The following CEP104 variants were observed in gnomAD, a reference collection of about 807,000 sequenced individuals.
CEP104 encodes the protein centrosomal protein of 104 kDa.
Under a neutral mutation model 113.3 loss-of-function variants are expected in CEP104, and 84 were observed. The ratio of observed to expected loss-of-function variants is 0.74; its 90% CI spans 0.62 to 0.89. The LOEUF is 0.89. Among genes scored for constraint, CEP104 ranks in the 40% least tolerant of loss-of-function variants. The probability of loss-of-function intolerance (pLI) is 0.00; values close to 1 mark genes in which losing one functional copy is unlikely to be tolerated. For missense variants in CEP104, 1,053 were observed against 1,156.6 expected (o/e 0.91, Z 1.30); for synonymous variants, 378 against 421.7 (o/e 0.90, Z 1.27).
chr1:3,844,698 C>CCAAAAAAAAAAAAAAA (rs1644474386), intron 6 of CEP104, among the ~76,000 whole-genome samples: 4 of 79,722 alleles, frequency 5.0e-5, no homozygotes, highest in Admixed American at 1.5e-4. Context: ...AATTCTGTCT[C>CCAAAAAAAAAAAAAAA]AAAAAAAAAG....
At chr1:3,821,121 C>T (rs1183019525) in intron 20 of CEP104, among the ~76,000 whole-genome samples, 1 of 152,238 alleles carries the variant, frequency 6.6e-6, no homozygotes, top group Non-Finnish European at 1.5e-5. Context: ...GACATCCATT[C>T]CTGCTAATGG....
intron 21 of CEP104, 73 bp from the exon 22 acceptor site, chr1:3,815,590 A>C: frequency 9.3e-7 from 1 of 1,076,922 alleles, no homozygotes; most frequent in Non-Finnish European, 1.3e-6. Flanking sequence ...ACCTGTGGCC[A>C]CAGACACCCA....
Position 3,815,271 on chromosome 1 carries a change from C to G in CEP104, c.*131G>C. The G allele has an allele frequency of 3.0e-6, 2 of 667,978 alleles. No homozygotes were observed. The highest frequency in any genetic ancestry group is 1.7e-5 in the South Asian group (1 of 57,730). 41.4% of individuals were successfully genotyped at this position (667,978 alleles called of 1,614,324 possible). ...GCTGACGGCACAGACGCGTAAGAGG[C>G]GTGCACGGCGGGGAGCTGGGGACAG... On this transcript the variant is annotated 3_prime_UTR_variant, in exon 22 of 22. Transcript: ENST00000378230.
rs187758420 is a variant in CEP104, at chr1:3,847,727, C to T, written c.288-114G>A. The T allele has an allele frequency of 1.6e-5, 18 of 1,096,296 alleles. No homozygotes were observed. The Admixed American group carries it at 2.7e-4, about 16-fold the overall frequency. 67.9% of individuals were successfully genotyped at this position (1,096,296 alleles called of 1,614,324 possible). A position where few individuals can be genotyped will look rare whatever the true frequency, so the allele number is the denominator to read the frequency against. On this transcript the variant is annotated intron_variant, in intron 3 of 21. Transcript: ENST00000378230. ...ATGTTTATTGTTTTATTTTTTAAAG[C>T]TAGACTACCCCTATGCAGGATCAAC... is the stretch of plus-strand genomic sequence containing the variant.
chr1:3,825,750 G>A lies in CEP104; in HGVS notation c.2364+8C>T, dbSNP rs558298740. On this transcript the variant is annotated splice_region_variant and intron_variant, in intron 18 of 21. Coordinates refer to ENST00000378230, the MANE Select transcript of CEP104 (RefSeq NM_014704.4). ...GCAAGTAGCTGGCTGCTGTGCCGCT[G>A]GCCTGACCTGTTTGCAGTGGTCACA... 2.4e-5 allele frequency: 38 copies of A among 1,589,824 alleles called. No homozygotes were observed. The South Asian group carries it at 4.0e-4, about 17-fold the overall frequency.
At chr1:3,829,619 G>A (rs1195685165) in intron 14 of CEP104, 172 bp downstream of exon 14, 1 of 734,000 alleles carries the variant, frequency 1.4e-6, no homozygotes. Context: ...CTGGCAGAAA[G>A]TGGAGCAGCC....
At chr1:3,824,520 C>T (rs1644045895) in intron 18 of CEP104, among the ~76,000 whole-genome samples, 1 of 152,242 alleles carries the variant, frequency 6.6e-6, no homozygotes, top group Non-Finnish European at 1.5e-5. Context: ...TGCGTCTCTT[C>T]CTCAAGACAC....
At chr1:3,830,445 G>A (rs1316630700) in intron 13 of CEP104, among the ~76,000 whole-genome samples, 1 of 152,124 alleles carries the variant, frequency 6.6e-6, no homozygotes, top group Non-Finnish European at 1.5e-5. Flanking sequence ...GCTTCAACCT[G>A]TACCTGATAT....
chr1:3,848,159 A>C (rs1189089972), intron 3 of CEP104, among the ~76,000 whole-genome samples: 3 of 152,162 alleles, frequency 2.0e-5, no homozygotes, highest in Non-Finnish European at 4.4e-5. Flanking sequence ...AATAAGAGGC[A>C]GGTGTTAAGA....
At chr1:3,844,736 T>C (rs1288162342) in intron 6 of CEP104, among the ~76,000 whole-genome samples, 171 bp downstream of exon 6, 6 of 121,948 alleles carry the variant, frequency 4.9e-5, no homozygotes, top group Non-Finnish European at 1.1e-4. Flanking sequence ...GTGTGCTAAA[T>C]AAAACAGCGA....
At chr1:3,854,441 G>T (rs1644672655) in intron 1 of CEP104, among the ~76,000 whole-genome samples, 2 of 152,020 alleles carry the variant, frequency 1.3e-5, no homozygotes, top group South Asian at 4.2e-4. Context: ...ATACCCTTCA[G>T]CTCTGAAGCC....
In CEP104 at chr1:3,827,752, G is replaced by A. The variant is rs557569366; in HGVS notation, c.2152-1008C>T. ...GCCTTCACCAGGCCCTGTGTGGGGCGCAGGTCTGCGCTGGCCTCGAGGCCC... is the reference window on the plus strand; with the variant it reads ...GCCTTCACCAGGCCCTGTGTGGGGCACAGGTCTGCGCTGGCCTCGAGGCCC... On this transcript the variant is annotated intron_variant, in intron 15 of 21. Transcript: ENST00000378230. Among the ~76,000 whole-genome samples the A allele has an allele frequency of 3.3e-5, 5 of 152,322 alleles. No individual in the cohort carries two copies. In the South Asian group the frequency reaches 1.0e-3, roughly 32 times the overall value.
rs745903373 is a variant in CEP104 at position 3,823,256 on chromosome 1, A to C, written c.2504-15T>G. ...CGGTTTGGCAGCTGAAATGATTTTA[A>C]AAAGACTCAGTCGCTCCCTGAATGA... On this transcript the variant is annotated splice_polypyrimidine_tract_variant and intron_variant, in intron 19 of 21. Transcript: ENST00000378230. The surrounding 1 kb of genome is among the most constrained non-coding windows in gnomAD (Gnocchi z 4.1). 6.2e-7 allele frequency: 1 copy of C among 1,614,156 alleles called. No individual in the cohort carries two copies. The highest frequency in any genetic ancestry group is 2.2e-5 in the East Asian group (1 of 44,878).
intron 20 of CEP104, among the ~76,000 whole-genome samples, chr1:3,817,016 G>C (rs1305428932): frequency 1.3e-5 from 2 of 152,198 alleles, no homozygotes; most frequent in Non-Finnish European, 2.9e-5. Context: ...GTTGTTCCTG[G>C]TTCCTTCCCT....
chr1:3,845,657 T>C (rs1644493411), intron 4 of CEP104, among the ~76,000 whole-genome samples: 1 of 152,212 alleles, frequency 6.6e-6, no homozygotes, highest in African/African-American at 2.4e-5. Context: ...TGACCTACAC[T>C]GTTATCAAAT....
chr1:3,832,192 C>A (rs1011571166), intron 12 of CEP104, among the ~76,000 whole-genome samples: 2 of 152,236 alleles, frequency 1.3e-5, no homozygotes, highest in Non-Finnish European at 2.9e-5. Context: ...TCCTCACCCC[C>A]AAATTCTAGC....
intron 15 of CEP104, among the ~76,000 whole-genome samples, chr1:3,827,085 G>A (rs1374709681): frequency 6.6e-6 from 1 of 152,160 alleles, no homozygotes; most frequent in African/African-American, 2.4e-5. Context: ...CTGGGAGGTG[G>A]AGGCTGCAGT....
chr1:3,834,950 C>G lies in CEP104; in HGVS notation c.1460G>C (p.Arg487Thr). 4.4e-6 allele frequency: 7 copies of G among 1,600,694 alleles called. No individual in the cohort carries two copies. The highest frequency in any genetic ancestry group is 6.0e-6 in the Non-Finnish European group (7 of 1,172,988). ...TLRASVFLVR[R>T]AIKDIVTSVF... is the part of the protein sequence containing the mutation. ...GGAGGTCACAATGTCCTTTATGGCT[C>G]TTCTAACGAGAAAGACGGATGCTCT... Residue 487 changes from arginine (R) to threonine (T), a missense_variant, in exon 11 of 22, where the codon AGA becomes ACA. Coordinates refer to ENST00000378230, the MANE Select transcript of CEP104 (RefSeq NM_014704.4).
At chr1:3,825,688 T>A in intron 18 of CEP104, 70 bp downstream of exon 18, 1 of 998,844 alleles carries the variant, frequency 1.0e-6, no homozygotes, top group Non-Finnish European at 1.6e-6. Flanking sequence ...GACAGCTTTT[T>A]GACTCGGCCT....
Sources: gnomAD v4.1 joint callset for allele counts (sites outside exome capture counted in the v4.1 genomes callset) on GRCh38, gnomAD v4.1.1 for gene constraint, Gnocchi (gnomAD v3.1) non-coding constraint, MANE v1.5 for transcripts, NCBI Gene and HGNC (gene_info 2026-07-23, HGNC 2026-07-21) for gene names.